Variants in DENND1A observed in about 807,000 individuals in gnomAD.
DENND1A encodes the protein DENN domain containing 1A.
A neutral mutation model predicts 113.7 loss-of-function variants in DENND1A; 51 were observed. That is an observed-to-expected ratio of 0.45 (90% CI 0.36 to 0.57). The LOEUF (loss-of-function observed/expected upper bound fraction) is 0.57, where lower values mean the gene tolerates loss of function less well. DENND1A is among the 20% of genes least tolerant of loss of function. DENND1A has a pLI of 0.00. For synonymous variants in DENND1A, 565 were observed against 570.8 expected (o/e 0.99, Z 0.14); for missense variants, 1,258 against 1,395.9 (o/e 0.90, Z 1.57).
At chr9:123,657,740 A>G (rs943068507) in intron 8 of DENND1A, among the ~76,000 whole-genome samples, 8 of 151,758 alleles carry the variant, frequency 5.3e-5, no homozygotes, top group African/African-American at 1.9e-4. Context: ...CATAATAAAA[A>G]TTTTTAAAAC....
chr9:123,734,870 A>C (rs2068445941), intron 5 of DENND1A, among the ~76,000 whole-genome samples: 1 of 152,182 alleles, frequency 6.6e-6, no homozygotes, highest in Non-Finnish European at 1.5e-5. Flanking sequence ...AAGCCGTGTT[A>C]GCTTTCAAGT....
At chr9:123,564,339 T>A (rs1184592434) in intron 12 of DENND1A, among the ~76,000 whole-genome samples, 3 of 152,254 alleles carry the variant, frequency 2.0e-5, no homozygotes, top group African/African-American at 4.8e-5. Context: ...TCTATCTCTT[T>A]CCATCAATGC....
At chr9:123,845,911 C>T (rs1247287271) in intron 2 of DENND1A, among the ~76,000 whole-genome samples, 1 of 151,906 alleles carries the variant, frequency 6.6e-6, no homozygotes, top group African/African-American at 2.4e-5. Context: ...TCAGGTGACA[C>T]AATCAAGAAA....
At chr9:123,782,903 G>A (rs1211502829) in intron 3 of DENND1A, among the ~76,000 whole-genome samples, 1 of 142,354 alleles carries the variant, frequency 7.0e-6, no homozygotes, top group Non-Finnish European at 1.5e-5. Flanking sequence ...CATATATTCA[G>A]GCCCACAGTC....
At chr9:123,421,362 G>C (rs1251143043) in intron 19 of DENND1A, among the ~76,000 whole-genome samples, 1 of 151,984 alleles carries the variant, frequency 6.6e-6, no homozygotes, top group African/African-American at 2.4e-5. Context: ...CAGGATCCAA[G>C]CCCAAGTACG....
At chr9:123,416,254 A>T (rs1236983154) in intron 19 of DENND1A, among the ~76,000 whole-genome samples, 1 of 151,998 alleles carries the variant, frequency 6.6e-6, no homozygotes, top group African/African-American at 2.4e-5. Context: ...CTCCTCTTTC[A>T]CGCTGGTGCT....
chr9:123,498,528 C>T (rs1313342550), intron 13 of DENND1A, among the ~76,000 whole-genome samples: 2 of 152,210 alleles, frequency 1.3e-5, no homozygotes, highest in Non-Finnish European at 2.9e-5. Flanking sequence ...TGTACCATGT[C>T]TTACCAAAGG....
At chr9:123,843,163 G>T in intron 2 of DENND1A, 1 of 552,376 alleles carries the variant, frequency 1.8e-6, no homozygotes, top group South Asian at 1.4e-5. Context: ...CACTTGACAT[G>T]GTTGTGCATA....
At chr9:123,597,251 T>C (rs1188234188) in intron 11 of DENND1A, among the ~76,000 whole-genome samples, 4 of 152,234 alleles carry the variant, frequency 2.6e-5, no homozygotes, top group African/African-American at 7.2e-5. Flanking sequence ...ACATTGTTTA[T>C]TGCCCCCATA....
intron 2 of DENND1A, among the ~76,000 whole-genome samples, chr9:123,855,195 C>T (rs2769937): frequency 1.3e-5 from 2 of 150,958 alleles, no homozygotes; most frequent in African/African-American, 5.0e-5. Flanking sequence ...CTACTGAATA[C>T]GATTATTCTT....
At chr9:123,474,153 C>T (rs1375909379) in intron 13 of DENND1A, among the ~76,000 whole-genome samples, 1 of 151,942 alleles carries the variant, frequency 6.6e-6, no homozygotes, top group Non-Finnish European at 1.5e-5. Context: ...CACCACCATG[C>T]CGAGCTAATT....
chr9:123,559,208 G>A (rs1026381726), intron 12 of DENND1A, among the ~76,000 whole-genome samples: 3 of 152,106 alleles, frequency 2.0e-5, no homozygotes, highest in Non-Finnish European at 4.4e-5. Context: ...GAAAATGAGG[G>A]GAATATGGCT....
At chr9:123,579,789 T>C (rs1428429706) in intron 12 of DENND1A, among the ~76,000 whole-genome samples, 1 of 152,230 alleles carries the variant, frequency 6.6e-6, no homozygotes, top group Non-Finnish European at 1.5e-5. Flanking sequence ...TTTCTCCTCT[T>C]GATAGCTCAT....
At chr9:123,545,506 G>A (rs906954033) in intron 13 of DENND1A, among the ~76,000 whole-genome samples, 3 of 150,932 alleles carry the variant, frequency 2.0e-5, no homozygotes, top group Admixed American at 6.6e-5. Flanking sequence ...TCGCTCTGTC[G>A]CCCAGGCTGG....
At chr9:123,674,356 A>T (rs879373466) in intron 6 of DENND1A, among the ~76,000 whole-genome samples, 9,958 of 131,146 alleles carry the variant, frequency 0.076, 474 homozygotes, top group Non-Finnish European at 0.098. Context: ...ACACACACAC[A>T]CACACACACA....
intron 21 of DENND1A, among the ~76,000 whole-genome samples, chr9:123,395,323 G>A (rs2043058848): frequency 6.6e-6 from 1 of 152,108 alleles, no homozygotes; most frequent in East Asian, 1.9e-4. Flanking sequence ...GTGTCTTCCG[G>A]GGCTGCTGCA....
At chr9:123,476,634 G>A (rs942122042) in intron 13 of DENND1A, among the ~76,000 whole-genome samples, 1 of 152,158 alleles carries the variant, frequency 6.6e-6, no homozygotes, top group Non-Finnish European at 1.5e-5. Context: ...TGATTCTAAC[G>A]CATTTGGGAA....
chr9:123,548,062 A>C (rs577285161), intron 13 of DENND1A, among the ~76,000 whole-genome samples: 1 of 152,328 alleles, frequency 6.6e-6, no homozygotes, highest in East Asian at 1.9e-4. Flanking sequence ...CTTCTAGTAG[A>C]TGACAGAACT....
chr9:123,924,070 T>C lies in DENND1A; in HGVS notation c.17+5819A>G, dbSNP rs184747701. Among the ~76,000 whole-genome samples, 615 of 152,294 alleles carry C rather than the reference T, an allele frequency of 4.0e-3. 3 individuals are homozygous for C. The highest frequency in any genetic ancestry group is 0.014 in the African/African-American group (567 of 41,554). On this transcript the variant is annotated intron_variant, in intron 1 of 23. Coordinates refer to ENST00000394215, the MANE Select transcript of DENND1A (RefSeq NM_001352964.2). Reference sequence around the variant, plus strand: ...AGTAAAATGTGGTATGTCCATACAATGGAATATTATTCAGCAGTAAAAAGT... The same window carrying C: ...AGTAAAATGTGGTATGTCCATACAACGGAATATTATTCAGCAGTAAAAAGT...
Sources: allele counts gnomAD v4.1 joint callset (sites outside exome capture counted in the v4.1 genomes callset), GRCh38; gene constraint gnomAD v4.1.1; transcripts MANE v1.5; gene names NCBI Gene and HGNC (gene_info 2026-07-23, HGNC 2026-07-21).